The following DHRS4L2 variants were observed in gnomAD, a reference collection of about 807,000 sequenced individuals.
DHRS4L2 encodes dehydrogenase/reductase 4 like 2.
Under a neutral mutation model 23.9 loss-of-function variants are expected in DHRS4L2, and 22 were observed. The ratio of observed to expected loss-of-function variants is 0.92; its 90% CI spans 0.66 to 1.31. The LOEUF (loss-of-function observed/expected upper bound fraction) is 1.31. Among genes scored for constraint, DHRS4L2 ranks in the 40% most tolerant of loss-of-function variants. The pLI, the probability that DHRS4L2 is intolerant of heterozygous loss-of-function variation, is 0.00. For missense variants in DHRS4L2, 385 were observed against 303.3 expected (o/e 1.27, Z -2.00); for synonymous variants, 141 against 123.7 (o/e 1.14, Z -0.93).
chr14:23,997,104 AT>A (rs1293304450), intron 3 of DHRS4L2, among the ~76,000 whole-genome samples: 2 of 147,338 alleles, frequency 1.4e-5, no homozygotes, highest in African/African-American at 2.5e-5. Context: ...AGTCACATGA[AT>A]TTTTTGGTTT....
At chr14:23,973,156 G>T (rs1374171600) in intron 1 of DHRS4L2, among the ~76,000 whole-genome samples, 1 of 152,030 alleles carries the variant, frequency 6.6e-6, no homozygotes, top group Non-Finnish European at 1.5e-5. Flanking sequence ...CTTTATGGGT[G>T]TCAGGCTGGG....
At chr14:23,984,159 A>G (rs1440059685), upstream of DHRS4L2, among the ~76,000 whole-genome samples, 2 of 151,634 alleles carry the variant, frequency 1.3e-5, no homozygotes, top group Non-Finnish European at 1.5e-5. Context: ...AATTTTTAAA[A>G]GAAAAATGCA....
chr14:23,972,395 G>T (rs904919303), intron 1 of DHRS4L2, among the ~76,000 whole-genome samples: 1 of 151,994 alleles, frequency 6.6e-6, no homozygotes, highest in Non-Finnish European at 1.5e-5. Context: ...CATTCCTCCT[G>T]GTGGGTTCGT....
intron 3 of DHRS4L2, 90 bp downstream of exon 3, chr14:23,995,223 A>C (rs2034356796): frequency 4.1e-6 from 6 of 1,470,420 alleles, no homozygotes; most frequent in Non-Finnish European, 5.7e-6. Context: ...TCTCAAGGGC[A>C]GTGTAAATGT....
chr14:23,996,984 A>T (rs1369111777), intron 3 of DHRS4L2, among the ~76,000 whole-genome samples: 1 of 151,334 alleles, frequency 6.6e-6, no homozygotes, highest in East Asian at 1.9e-4. Flanking sequence ...GAACAGTCTG[A>T]ATACAGACCA....
At chr14:24,000,666 A>G (rs2034467418) in intron 3 of DHRS4L2, among the ~76,000 whole-genome samples, 197 bp from the exon 4 acceptor site, 1 of 151,826 alleles carries the variant, frequency 6.6e-6, no homozygotes, top group Non-Finnish European at 1.5e-5. Flanking sequence ...CTAATGTATC[A>G]TTATCTAGCT....
chr14:23,970,132 G>T (rs1484701356), exon 1 of DHRS4L2: 4 of 456,042 alleles, frequency 8.8e-6, no homozygotes, highest in African/African-American at 8.1e-5. Context: ...TCTGAGAGTT[G>T]TAAGGTACGG....
chr14:23,989,124 G>C, intron 1 of DHRS4L2, 49 bp downstream of exon 1: 1 of 1,545,992 alleles, frequency 6.5e-7, no homozygotes, highest in Non-Finnish European at 8.7e-7. Flanking sequence ...CTGGAAACAT[G>C]CACTGGTGTC....
intron 5 of DHRS4L2, 62 bp from the exon 6 acceptor site, chr14:24,001,321 TA>T (rs2034484069): frequency 6.3e-7 from 1 of 1,582,212 alleles, no homozygotes; most frequent in African/African-American, 1.4e-5. Context: ...CCTCTATGTC[TA>T]GTTATTAGAA....
intron 3 of DHRS4L2, among the ~76,000 whole-genome samples, chr14:23,996,289 A>G (rs1198883134): frequency 1.3e-5 from 2 of 151,398 alleles, no homozygotes; most frequent in African/African-American, 2.4e-5. Flanking sequence ...CAACTATATC[A>G]GGTGTCATCA....
intron 1 of DHRS4L2, among the ~76,000 whole-genome samples, chr14:23,976,055 T>A (rs569984146): frequency 8.5e-4 from 128 of 151,354 alleles, no homozygotes; most frequent in African/African-American, 3.1e-3. Context: ...GGGCAAAGAC[T>A]TCATGATAAA....
chr14:23,986,539 G>T (rs1464262010), upstream of DHRS4L2, among the ~76,000 whole-genome samples: 3 of 150,512 alleles, frequency 2.0e-5, no homozygotes, highest in African/African-American at 7.3e-5. Flanking sequence ...GAAAGAAAAA[G>T]AAATAGTGCT....
chr14:23,986,590 T>C (rs1209011851), upstream of DHRS4L2, among the ~76,000 whole-genome samples: 2 of 151,270 alleles, frequency 1.3e-5, no homozygotes, highest in Non-Finnish European at 3.0e-5. Context: ...GGAAGGGCCA[T>C]GTGTTGTTCA....
At position 23,991,558 on chromosome 14, in the gene DHRS4L2, G is replaced by A. The variant is rs138237506; in HGVS notation, c.306+1199G>A. ...TTGAGCTAAACCTTAAGGAATGGAT[G>A]GGAATGGACAGATGGAATAGTGACG... On this transcript the variant is annotated intron_variant, in intron 2 of 7. Coordinates refer to ENST00000335125, the MANE Select transcript of DHRS4L2 (RefSeq NM_198083.4). Among the ~76,000 whole-genome samples, 64 of 151,790 alleles carry A rather than the reference G, an allele frequency of 4.2e-4. 3 individuals carry two copies. The highest frequency in any genetic ancestry group is 6.8e-3 in the Middle Eastern group (2 of 294).
intron 2 of DHRS4L2, among the ~76,000 whole-genome samples, chr14:23,993,329 G>A (rs1287611101): frequency 6.6e-6 from 1 of 151,746 alleles, no homozygotes; most frequent in Non-Finnish European, 1.5e-5. Flanking sequence ...TGTAAATTTT[G>A]TTAGATTAAC....
In DHRS4L2 at chr14:24,003,891, G is replaced by C. The variant is rs1336144530; in HGVS notation, c.666-446G>C. On this transcript the variant is annotated intron_variant, in intron 6 of 7. Coordinates refer to ENST00000335125, the MANE Select transcript of DHRS4L2 (RefSeq NM_198083.4). ...GCTTAAGGAGATTTTGGGCTGAGAC[G>C]ATGGGGTTTTCTAGATAAACAATCA... is the stretch of plus-strand genomic sequence containing the variant. Among the ~76,000 whole-genome samples, 26 of 74,462 alleles carry C rather than the reference G, an allele frequency of 3.5e-4. 6 individuals carry two copies. Among genetic ancestry groups the C allele is most frequent in the Non-Finnish European group, 1.7e-4 (8 of 47,822 alleles). 48.8% of individuals were successfully genotyped at this position (74,462 alleles called of 152,430 possible).
At chr14:23,981,599 G>T (rs1204738152) in intron 1 of DHRS4L2, among the ~76,000 whole-genome samples, 2 of 151,588 alleles carry the variant, frequency 1.3e-5, no homozygotes, top group Non-Finnish European at 2.9e-5. Context: ...AAAGAAAAGT[G>T]GGCCCAGGGG....
intron 6 of DHRS4L2, among the ~76,000 whole-genome samples, chr14:24,004,062 A>T (rs1304449760): frequency 7.4e-6 from 1 of 135,770 alleles, no homozygotes; most frequent in Non-Finnish European, 1.5e-5. Flanking sequence ...CGAGGTCAGG[A>T]GGTCGAGACC....
chr14:23,989,123 T>C (rs56329908), intron 1 of DHRS4L2, 48 bp downstream of exon 1: 2 of 1,545,842 alleles, frequency 1.3e-6, no homozygotes, highest in Non-Finnish European at 1.7e-6. Context: ...CCTGGAAACA[T>C]GCACTGGTGT....
Sources: gnomAD v4.1 joint callset for allele counts (sites outside exome capture counted in the v4.1 genomes callset) on GRCh38, gnomAD v4.1.1 for gene constraint, MANE v1.5 for transcripts, NCBI Gene and HGNC (gene_info 2026-07-23, HGNC 2026-07-21) for gene names.